Variants in TNR observed in about 807,000 individuals in gnomAD.
The protein encoded by TNR is tenascin-R.
A neutral mutation model predicts 150.4 loss-of-function variants in TNR; 45 were observed. The observed-to-expected ratio is 0.30, with a 90% CI of 0.24 to 0.38. TNR has a LOEUF of 0.38. Ranked by LOEUF, TNR falls within the 10% of genes least tolerant of loss-of-function variation. The pLI is 1.00. For missense variants in TNR, 1,544 were observed against 1,759.1 expected (o/e 0.88, Z 2.19); for synonymous variants, 687 against 678.4 (o/e 1.01, Z -0.20).
At position 175,457,669 on chromosome 1, in the gene TNR, A is replaced by G. The variant is rs373245287; in HGVS notation, c.-63-50892T>C. ...AAAAAAACAGAAAGAAAAAAGAGCTACTATTGACATTGCACTTACTTTGTC... is the reference window on the plus strand; with the variant it reads ...AAAAAAACAGAAAGAAAAAAGAGCTGCTATTGACATTGCACTTACTTTGTC... On this transcript the variant is annotated intron_variant, in intron 2 of 22. Transcript: ENST00000367674. Among the ~76,000 whole-genome samples, 4 of 152,270 alleles carry G rather than the reference A, an allele frequency of 2.6e-5. No homozygotes were observed. In the South Asian group the frequency reaches 8.3e-4, roughly 31 times the overall value.
intron 2 of TNR, among the ~76,000 whole-genome samples, chr1:175,423,019 C>T (rs1361762104): frequency 2.0e-5 from 3 of 152,182 alleles, no homozygotes; most frequent in Non-Finnish European, 4.4e-5. Flanking sequence ...ATCTGTCTCT[C>T]GTGCCACTTC....
chr1:175,381,308 A>G (rs1652667969), intron 8 of TNR, among the ~76,000 whole-genome samples: 1 of 152,196 alleles, frequency 6.6e-6, no homozygotes, highest in Admixed American at 6.5e-5. Flanking sequence ...ATTTAGGTTT[A>G]GGGTTAAGGT....
At chr1:175,640,944 TG>T (rs1664639208) in intron 1 of TNR, among the ~76,000 whole-genome samples, 1 of 152,116 alleles carries the variant, frequency 6.6e-6, no homozygotes, top group Non-Finnish European at 1.5e-5. Context: ...TATGTGCTGC[TG>T]GAAAAAGGTA....
chr1:175,348,830 T>G (rs1262105543), intron 18 of TNR, among the ~76,000 whole-genome samples: 1 of 152,198 alleles, frequency 6.6e-6, no homozygotes, highest in Non-Finnish European at 1.5e-5. Flanking sequence ...GAAAACCTTT[T>G]GGCTGAAAAG....
chr1:175,487,516 A>T (rs1441572770), intron 2 of TNR, among the ~76,000 whole-genome samples: 4 of 152,120 alleles, frequency 2.6e-5, no homozygotes, highest in Non-Finnish European at 5.9e-5. Flanking sequence ...CGCCCTACCC[A>T]TGTGGCTACC....
At chr1:175,481,715 G>A (rs1026546719) in intron 2 of TNR, among the ~76,000 whole-genome samples, 1 of 152,056 alleles carries the variant, frequency 6.6e-6, no homozygotes, top group Non-Finnish European at 1.5e-5. Context: ...TTTTTTGTGT[G>A]CCTTTCTGAT....
intron 2 of TNR, among the ~76,000 whole-genome samples, chr1:175,526,248 A>T (rs1659843773): frequency 6.6e-6 from 1 of 152,210 alleles, no homozygotes; most frequent in Non-Finnish European, 1.5e-5. Context: ...CAGCATTAAT[A>T]TCAAAGTAAA....
At chr1:175,705,838 A>G (rs1023090035) in intron 1 of TNR, among the ~76,000 whole-genome samples, 8 of 152,202 alleles carry the variant, frequency 5.3e-5, no homozygotes, top group South Asian at 2.1e-4. Context: ...TTCTTCATGT[A>G]TATAACAAAA....
chr1:175,331,146 C>T (rs61539100), intron 20 of TNR, among the ~76,000 whole-genome samples: 1,448 of 94,864 alleles, frequency 0.015, 20 homozygotes, highest in Non-Finnish European at 0.017. Flanking sequence ...TTTCTTTCTT[C>T]CTTTCTTTCT....
intron 18 of TNR, among the ~76,000 whole-genome samples, chr1:175,349,755 C>G (rs1306524205): frequency 1.3e-5 from 2 of 152,146 alleles, no homozygotes; most frequent in Non-Finnish European, 2.9e-5. Context: ...GATCTGACAC[C>G]TATCCTTCTA....
At chr1:175,450,409 A>G (rs1656247979) in intron 2 of TNR, among the ~76,000 whole-genome samples, 2 of 152,202 alleles carry the variant, frequency 1.3e-5, no homozygotes, top group African/African-American at 4.8e-5. Flanking sequence ...GAATCCTCTA[A>G]GACCCAGCTC....
intron 2 of TNR, among the ~76,000 whole-genome samples, chr1:175,518,039 G>T (rs895153585): frequency 3.3e-5 from 5 of 151,884 alleles, no homozygotes; most frequent in African/African-American, 1.2e-4. Context: ...GAGTGTTGAT[G>T]GTTTAAGTAA....
Position 175,323,260 on chromosome 1 carries a change from T to C in TNR, c.*97A>G. On this transcript the variant is annotated 3_prime_UTR_variant, in exon 23 of 23. Coordinates refer to ENST00000367674, the MANE Select transcript of TNR (RefSeq NM_003285.3). ...GCTTCCTTCACATACTCTTAATATGTTGCAAAACACATTGCTATTACCCTC... is the reference window on the plus strand; with the variant it reads ...GCTTCCTTCACATACTCTTAATATGCTGCAAAACACATTGCTATTACCCTC... 6.6e-7 allele frequency: 1 copy of C among 1,506,462 alleles called. No homozygotes were observed. Among genetic ancestry groups the C allele is most frequent in the Non-Finnish European group, 9.0e-7 (1 of 1,105,706 alleles). 93.3% of individuals were successfully genotyped at this position (1,506,462 alleles called of 1,614,324 possible).
intron 1 of TNR, among the ~76,000 whole-genome samples, chr1:175,601,669 T>C (rs1292196836): frequency 3.3e-5 from 5 of 152,172 alleles, no homozygotes; most frequent in Non-Finnish European, 7.3e-5. Context: ...ATTGAGAACC[T>C]GTTGTGTGCC....
At chr1:175,490,016 A>T (rs1658176958) in intron 2 of TNR, among the ~76,000 whole-genome samples, 1 of 152,216 alleles carries the variant, frequency 6.6e-6, no homozygotes. Context: ...CTATTGGTAC[A>T]AAAACAGACA....
At chr1:175,630,718 T>G (rs887892281) in intron 1 of TNR, among the ~76,000 whole-genome samples, 2 of 152,240 alleles carry the variant, frequency 1.3e-5, no homozygotes, top group Non-Finnish European at 2.9e-5. Context: ...ATCCTTTTAA[T>G]GAATAAAACA....
At chr1:175,397,401 C>G (rs906305816) in intron 4 of TNR, among the ~76,000 whole-genome samples, 11 of 152,072 alleles carry the variant, frequency 7.2e-5, no homozygotes, top group African/African-American at 2.7e-4. Flanking sequence ...AAATTTTTTT[C>G]CTTTAGGGAG....
intron 2 of TNR, among the ~76,000 whole-genome samples, chr1:175,451,791 G>GT (rs1656336125): frequency 6.6e-6 from 1 of 152,132 alleles, no homozygotes; most frequent in South Asian, 2.1e-4. Context: ...AAATGACTTA[G>GT]CATTTTGAAC....
rs1411109450 is a variant in TNR, at chr1:175,374,533, T to C, written c.1963+5019A>G. Among the ~76,000 whole-genome samples, 4 of 152,152 alleles carry C rather than the reference T, an allele frequency of 2.6e-5. No homozygotes were observed. In the East Asian group the frequency reaches 7.7e-4, roughly 29 times the overall value. ...AAGTGTAAGTGCAAGAGTCTGTAGGTGTGTTTGTGTGTACATGTGTGCATG... is the reference window on the plus strand; with the variant it reads ...AAGTGTAAGTGCAAGAGTCTGTAGGCGTGTTTGTGTGTACATGTGTGCATG... On this transcript the variant is annotated intron_variant, in intron 9 of 22. Transcript: ENST00000367674.
Sources: allele counts gnomAD v4.1 joint callset (sites outside exome capture counted in the v4.1 genomes callset), GRCh38; gene constraint gnomAD v4.1.1; transcripts MANE v1.5; gene names NCBI Gene and HGNC (gene_info 2026-07-23, HGNC 2026-07-21).